The following QRFPR variants were observed in gnomAD, a reference collection of about 807,000 sequenced individuals.
QRFPR encodes the protein pyroglutamylated RFamide peptide receptor, also known as pyroglutamylated RF-amide peptide receptor.
QRFPR carries 37 observed loss-of-function variants against 31.3 expected under a neutral mutation model. That is an observed-to-expected ratio of 1.18 (90% confidence interval 0.91 to 1.56). The LOEUF (loss-of-function observed/expected upper bound fraction) is 1.56. Ranked by LOEUF, QRFPR falls within the 40% of genes most tolerant of loss-of-function variation. The pLI is 0.00. For synonymous variants in QRFPR, 197 were observed against 192.0 expected (o/e 1.03, Z -0.22); for missense variants, 542 against 532.5 (o/e 1.02, Z -0.18).
intron 1 of QRFPR, chr4:121,369,841 A>G: frequency 1.0e-6 from 1 of 1,003,790 alleles, no homozygotes; most frequent in Admixed American, 1.7e-5. Flanking sequence ...GGGCTGATGC[A>G]GGTGGCCTCT....
chr4:121,339,784 T>C (rs1172865336), intron 2 of QRFPR, among the ~76,000 whole-genome samples: 1 of 151,936 alleles, frequency 6.6e-6, no homozygotes, highest in Non-Finnish European at 1.5e-5. Context: ...AGAGACCCTG[T>C]TGCTACCAAA....
At chr4:121,329,796 TTAA>T in intron 5 of QRFPR, 82 bp from the exon 6 acceptor site, 2 of 1,019,742 alleles carry the variant, frequency 2.0e-6, no homozygotes, top group Non-Finnish European at 2.8e-6. Flanking sequence ...TGTCAAAGAC[TTAA>T]ACTTGTACAA....
intron 3 of QRFPR, among the ~76,000 whole-genome samples, chr4:121,335,136 T>C (rs1579568820): frequency 6.6e-6 from 1 of 152,200 alleles, no homozygotes; most frequent in African/African-American, 2.4e-5. Flanking sequence ...TGACATGACA[T>C]GCATTTTCTA....
At chr4:121,369,464 C>G in intron 1 of QRFPR, 2 of 1,054,520 alleles carry the variant, frequency 1.9e-6, no homozygotes, top group Non-Finnish European at 2.8e-6. Context: ...ATTCAAGTCA[C>G]GGGGTTTGAG....
intron 1 of QRFPR, among the ~76,000 whole-genome samples, chr4:121,347,177 A>G (rs62319031): frequency 0.021 from 3,231 of 152,238 alleles, 47 homozygotes; most frequent in Non-Finnish European, 0.035. Flanking sequence ...GAGCTTTTCA[A>G]TTATAAATTC....
intron 1 of QRFPR, among the ~76,000 whole-genome samples, chr4:121,355,657 T>C (rs964672099): frequency 1.3e-5 from 2 of 152,114 alleles, no homozygotes; most frequent in African/African-American, 4.8e-5. Context: ...TTAGATTGTT[T>C]ATTTGAAGGT....
intron 1 of QRFPR, among the ~76,000 whole-genome samples, chr4:121,356,773 A>G (rs959563824): frequency 6.6e-6 from 1 of 151,926 alleles, no homozygotes; most frequent in Non-Finnish European, 1.5e-5. Context: ...ATTCTCCATT[A>G]TGGGCTGCCT....
At chr4:121,376,478 A>C (rs1483910624) in intron 1 of QRFPR, among the ~76,000 whole-genome samples, 2 of 152,154 alleles carry the variant, frequency 1.3e-5, no homozygotes, top group Non-Finnish European at 2.9e-5. Flanking sequence ...AGCAGTGTAC[A>C]AAAGAAAACT....
chr4:121,334,994 C>T (rs1190443605), intron 3 of QRFPR, among the ~76,000 whole-genome samples: 1 of 152,060 alleles, frequency 6.6e-6, no homozygotes, highest in Non-Finnish European at 1.5e-5. Context: ...CTTTGCTTGT[C>T]CTAATAGAAT....
chr4:121,348,028 T>G (rs907353786), intron 1 of QRFPR, among the ~76,000 whole-genome samples: 1 of 152,092 alleles, frequency 6.6e-6, no homozygotes, highest in African/African-American at 2.4e-5. Context: ...CCTGGAATTT[T>G]GGGTTGTATT....
intron 1 of QRFPR, among the ~76,000 whole-genome samples, chr4:121,367,573 T>A (rs1726153255): frequency 6.6e-6 from 1 of 150,574 alleles, no homozygotes; most frequent in Non-Finnish European, 1.5e-5. Flanking sequence ...ATATTTGAGA[T>A]ATTACTAACA....
chr4:121,330,334 C>T, intron 5 of QRFPR, 92 bp downstream of exon 5: 1 of 859,220 alleles, frequency 1.2e-6, no homozygotes, highest in Admixed American at 2.1e-5. Context: ...TTTGATTATC[C>T]AAGTGAACAG....
At chr4:121,339,597 C>T (rs557539010) in intron 2 of QRFPR, among the ~76,000 whole-genome samples, 19 of 152,238 alleles carry the variant, frequency 1.2e-4, no homozygotes, top group African/African-American at 4.6e-4. Context: ...GGGCAGCAAC[C>T]CTGTTCTCCA....
At chr4:121,337,916 G>T (rs1725464665) in intron 2 of QRFPR, among the ~76,000 whole-genome samples, 2 of 152,138 alleles carry the variant, frequency 1.3e-5, no homozygotes, top group African/African-American at 4.8e-5. Context: ...GGAACCAAGG[G>T]CCCCAACTTT....
intron 4 of QRFPR, among the ~76,000 whole-genome samples, chr4:121,331,011 A>C (rs1725310373): frequency 6.6e-6 from 1 of 152,018 alleles, no homozygotes; most frequent in African/African-American, 2.4e-5. Flanking sequence ...CACGCCTGTA[A>C]TCCCAGCTCT....
At chr4:121,377,402 T>TAA (rs1726376421) in intron 1 of QRFPR, among the ~76,000 whole-genome samples, 4 of 97,722 alleles carry the variant, frequency 4.1e-5, no homozygotes, top group Non-Finnish European at 8.0e-5. Flanking sequence ...TACATAACTA[T>TAA]ATATATATAT....
Position 121,367,045 on chromosome 4 carries a change from T to C in QRFPR, c.340+13263A>G, listed in dbSNP as rs1726145020. 1.3e-5 allele frequency among the ~76,000 whole-genome samples: 2 copies of C among 150,112 alleles called. 1 individual carries two copies. Among genetic ancestry groups the C allele is most frequent in the Admixed American group, 1.3e-4 (2 of 15,104 alleles). ...GTGTCCAAATTGAGGTGCCGTCATG[T>C]ACCTCTTTAGGCTATGAACTAAACA... On this transcript the variant is annotated intron_variant, in intron 1 of 5. Transcript: ENST00000394427.
chr4:121,358,016 T>A (rs185652729), intron 1 of QRFPR, among the ~76,000 whole-genome samples: 1 of 152,314 alleles, frequency 6.6e-6, no homozygotes, highest in African/African-American at 2.4e-5. Context: ...CCACCTCCTC[T>A]TCCTAGAAGG....
chr4:121,329,364 G>C lies in QRFPR; in HGVS notation c.1246C>G (p.Leu416Val). The C allele has an allele frequency of 6.2e-7, 1 of 1,614,122 alleles. No individual in the cohort carries two copies. Among genetic ancestry groups the C allele is most frequent in the Non-Finnish European group, 8.5e-7 (1 of 1,179,996 alleles). Residue 416 changes from leucine (L) to valine (V), a missense_variant, in exon 6 of 6, where the codon CTC becomes GTC. Leu to Val is a conservative substitution (Grantham distance 32, BLOSUM62 1). Transcript: ENST00000394427. ...TTCTCAGCCAGTTCAGACCTAAAGAGAGCAAGATGTCGTTTGAGCTTTTTC... is the reference window on the plus strand; with the variant it reads ...TTCTCAGCCAGTTCAGACCTAAAGACAGCAAGATGTCGTTTGAGCTTTTTC... ...EKKKLKRHLA[L>V]FRSELAENSP...
Sources: allele counts gnomAD v4.1 joint callset (sites outside exome capture counted in the v4.1 genomes callset), GRCh38; gene constraint gnomAD v4.1.1; transcripts MANE v1.5; gene names NCBI Gene and HGNC (gene_info 2026-07-23, HGNC 2026-07-21).